The following MAPK8 variants were observed in gnomAD, a reference collection of about 807,000 sequenced individuals.
The protein encoded by MAPK8 is JUN N-terminal kinase.
In MAPK8, 13 loss-of-function variants were observed where a neutral mutation model predicts 52.9. That is an observed-to-expected ratio of 0.25 (90% confidence interval 0.16 to 0.39). The LOEUF is 0.39. Among genes scored for constraint, MAPK8 ranks in the 10% least tolerant of loss-of-function variants. The pLI is 1.00. For missense variants in MAPK8, 300 were observed against 519.2 expected (o/e 0.58, Z 4.10); for synonymous variants, 191 against 169.8 (o/e 1.12, Z -0.97).
intron 1 of MAPK8, among the ~76,000 whole-genome samples, chr10:48,381,704 T>C (rs2041015920): frequency 6.6e-6 from 1 of 152,188 alleles, no homozygotes; most frequent in Non-Finnish European, 1.5e-5. Context: ...AAATACCAAA[T>C]TATGTAAACT....
At chr10:48,372,600 C>T (rs908249936) in intron 1 of MAPK8, among the ~76,000 whole-genome samples, 3 of 150,698 alleles carry the variant, frequency 2.0e-5, no homozygotes, top group Admixed American at 6.6e-5. Flanking sequence ...ATAGCTGAAT[C>T]GATCAAGTGG....
intron 1 of MAPK8, among the ~76,000 whole-genome samples, chr10:48,328,549 A>T (rs1319725538): frequency 6.6e-6 from 1 of 152,150 alleles, no homozygotes; most frequent in African/African-American, 2.4e-5. Context: ...TTAACCTGGG[A>T]CACTCCTTTT....
intron 8 of MAPK8, 88 bp from the exon 9 acceptor site, chr10:48,426,290 TGC>T (rs2043679659): frequency 8.5e-7 from 1 of 1,169,676 alleles, no homozygotes; most frequent in Non-Finnish European, 1.2e-6. Flanking sequence ...TTAAAACATA[TGC>T]TTTTTAAAAA....
At chr10:48,426,351 T>C (rs1452142578) in intron 8 of MAPK8, 29 bp from the exon 9 acceptor site, 9 of 1,565,658 alleles carry the variant, frequency 5.7e-6, no homozygotes, top group South Asian at 1.2e-5. Context: ...TTTACAAATA[T>C]ATGTACATTA....
intron 1 of MAPK8, among the ~76,000 whole-genome samples, chr10:48,368,747 G>T (rs1355058408): frequency 2.6e-5 from 4 of 152,198 alleles, no homozygotes; most frequent in African/African-American, 9.6e-5. Context: ...CAAAGAAAGT[G>T]ACCCAGAGGA....
intron 1 of MAPK8, among the ~76,000 whole-genome samples, chr10:48,310,223 A>G (rs999221121): frequency 3.3e-5 from 5 of 152,208 alleles, no homozygotes. Flanking sequence ...CTTTAAAAGT[A>G]TAAACTGAGG....
intron 1 of MAPK8, among the ~76,000 whole-genome samples, chr10:48,385,135 T>C (rs1414905392): frequency 2.0e-5 from 3 of 152,192 alleles, no homozygotes; most frequent in Non-Finnish European, 4.4e-5. Context: ...TGGGGTCAGT[T>C]AGTCTAGAGC....
intron 1 of MAPK8, among the ~76,000 whole-genome samples, chr10:48,391,154 A>G (rs1381012922): frequency 6.6e-6 from 1 of 152,206 alleles, no homozygotes; most frequent in Non-Finnish European, 1.5e-5. Context: ...CTGTGTTGAC[A>G]TGGTTGTAGT....
At chr10:48,415,772 G>C (rs1048754287) in intron 5 of MAPK8, among the ~76,000 whole-genome samples, 1 of 152,206 alleles carries the variant, frequency 6.6e-6, no homozygotes, top group Non-Finnish European at 1.5e-5. Context: ...AATTATACAT[G>C]AAGTAGGGTT....
At chr10:48,382,143 A>G (rs1484338388) in intron 1 of MAPK8, among the ~76,000 whole-genome samples, 1 of 152,224 alleles carries the variant, frequency 6.6e-6, no homozygotes, top group Non-Finnish European at 1.5e-5. Context: ...AGACAAGTCA[A>G]ATAAGCATCA....
In MAPK8 at chr10:48,420,232, A is replaced by C. The variant is rs2043278079; in HGVS notation, c.528A>C (p.Ala176=). The C allele has an allele frequency of 6.2e-7, 1 of 1,613,890 alleles. No homozygotes were observed. Residue 176 remains alanine, a synonymous_variant, in exon 6 of 12, where the codon GCA becomes GCC. Transcript: ENST00000374189. ...TTGACTTCGGTCTGGCCAGGACTGC[A>C]GGAACGAGTTTTATGATGACGCCTT... The part of the protein sequence containing the change: ...KILDFGLART[A]GTSFMMTPYV...
chr10:48,333,928 G>A (rs932428804), intron 1 of MAPK8, among the ~76,000 whole-genome samples: 51 of 150,592 alleles, frequency 3.4e-4, no homozygotes, highest in African/African-American at 1.2e-3. Flanking sequence ...CAAAGCAGTG[G>A]AGCCTGGCGC....
At chr10:48,366,225 C>T (rs1460559848) in intron 1 of MAPK8, among the ~76,000 whole-genome samples, 1 of 151,710 alleles carries the variant, frequency 6.6e-6, no homozygotes, top group South Asian at 2.1e-4. Context: ...ATGCAGTATG[C>T]CTTTATCTGT....
chr10:48,342,742 C>T (rs1845425093), intron 1 of MAPK8, among the ~76,000 whole-genome samples: 1 of 152,150 alleles, frequency 6.6e-6, no homozygotes. Context: ...TTTGCTGAGA[C>T]AACACCGGAA....
intron 1 of MAPK8, among the ~76,000 whole-genome samples, chr10:48,327,860 T>C (rs547048533): frequency 2.0e-5 from 3 of 152,334 alleles, no homozygotes; most frequent in African/African-American, 7.2e-5. Context: ...TGGTAGATTG[T>C]GTCTTTCACA....
At chr10:48,381,861 C>G (rs1418552907) in intron 1 of MAPK8, among the ~76,000 whole-genome samples, 1 of 152,194 alleles carries the variant, frequency 6.6e-6, no homozygotes, top group African/African-American at 2.4e-5. Context: ...AACTGCAACA[C>G]AGATACCCTT....
At chr10:48,319,234 C>T (rs552821717) in intron 1 of MAPK8, among the ~76,000 whole-genome samples, 3 of 152,264 alleles carry the variant, frequency 2.0e-5, no homozygotes, top group Non-Finnish European at 2.9e-5. Context: ...AATTTTTTAA[C>T]GGTTTTATTG....
At chr10:48,340,261 C>T (rs776571293) in intron 1 of MAPK8, among the ~76,000 whole-genome samples, 10 of 152,162 alleles carry the variant, frequency 6.6e-5, no homozygotes, top group Non-Finnish European at 1.0e-4. Flanking sequence ...AACGTGGATG[C>T]AGCTGGAGGC....
chr10:48,375,042 G>T (rs1337804986), intron 1 of MAPK8, among the ~76,000 whole-genome samples: 1 of 151,706 alleles, frequency 6.6e-6, no homozygotes, highest in Non-Finnish European at 1.5e-5. Flanking sequence ...TATCCACCAT[G>T]ATCAAGTCTG....
Sources: allele counts gnomAD v4.1 joint callset (sites outside exome capture counted in the v4.1 genomes callset), GRCh38; gene constraint gnomAD v4.1.1; transcripts MANE v1.5; gene names NCBI Gene and HGNC (gene_info 2026-07-23, HGNC 2026-07-21).